Variants in HSPA9 observed in about 807,000 individuals in gnomAD.
HSPA9 encodes heat shock protein family A (Hsp70) member 9, also known as stress-70 protein, mitochondrial.
In HSPA9, 28 loss-of-function variants were observed where a neutral mutation model predicts 81.5. The ratio of observed to expected loss-of-function variants is 0.34; its 90% confidence interval spans 0.25 to 0.47. The LOEUF (loss-of-function observed/expected upper bound fraction) is 0.47. Among genes scored for constraint, HSPA9 ranks in the 20% least tolerant of loss-of-function variants. HSPA9 has a pLI of 1.00. For synonymous variants in HSPA9, 293 were observed against 290.4 expected, an observed-to-expected ratio of 1.01 and a Z score of -0.09; for missense variants, 678 against 838.0, an observed-to-expected ratio of 0.81 and a Z score of 2.36.
At chr5:138,574,007 G>A (rs971791777) in intron 2 of HSPA9, 61 bp downstream of exon 2, 2 of 1,395,426 alleles carry the variant, frequency 1.4e-6, no homozygotes, top group Non-Finnish European at 1.0e-6. Flanking sequence ...CACAAATGTA[G>A]AAAACACTGC....
At chr5:138,571,476 G>A (rs960922149) in intron 3 of HSPA9, among the ~76,000 whole-genome samples, 1 of 151,686 alleles carries the variant, frequency 6.6e-6, no homozygotes, top group Non-Finnish European at 1.5e-5. Flanking sequence ...GAGCCAATAC[G>A]CCCAGCCTAT....
At chr5:138,561,115 C>A (rs755747388) in intron 10 of HSPA9, 1 of 484,052 alleles carries the variant, frequency 2.1e-6, no homozygotes, top group Non-Finnish European at 4.2e-6. Context: ...TTGCACAAAT[C>A]TTTGTCAAAG....
At position 138,568,896 on chromosome 5, in the gene HSPA9, T is replaced by C. The variant is rs541326637; in HGVS notation, c.535+29A>G. 80 of 1,611,702 alleles carry C rather than the reference T, an allele frequency of 5.0e-5. 2 individuals are homozygous for C. In the African/African-American group the frequency reaches 5.5e-4, roughly 11 times the overall value. On this transcript the variant is annotated intron_variant, in intron 5 of 16. Transcript: ENST00000297185. Reference sequence around the variant, plus strand: ...TCACAGGAATCATTGTTCTTAGAACTTTCCCAGATGTGAACTAAACCCACT... The same window carrying C: ...TCACAGGAATCATTGTTCTTAGAACCTTCCCAGATGTGAACTAAACCCACT...
In HSPA9 at chr5:138,554,675, C is replaced by CCATCTTGATAA. The variant is rs1750482522; in HGVS notation, c.*1351_*1361dup. Reference sequence around the variant, plus strand: ...AGCCATTGTGTCTGATATTCTAAGCCCATCTTGATAACAGACTCTTTTGAA... The same window carrying CCATCTTGATAA: ...AGCCATTGTGTCTGATATTCTAAGCCCATCTTGATAACATCTTGATAACAGACTCTTTTGAA... On this transcript the variant is annotated 3_prime_UTR_variant, in exon 17 of 17. Transcript: ENST00000297185. Among the ~76,000 whole-genome samples the CCATCTTGATAA allele has an allele frequency of 6.6e-6, 1 of 152,168 alleles. No individual in the cohort carries two copies. Among genetic ancestry groups the CCATCTTGATAA allele is most frequent in the Non-Finnish European group, 1.5e-5 (1 of 68,026 alleles).
Position 138,556,470 on chromosome 5 carries a change from G to C in HSPA9, c.1944C>G (p.Phe648Leu), listed in dbSNP as rs148730345. ...SSLQQASLKL[F>L]EMAYKKMASE... is the part of the protein sequence containing the mutation. The stretch of plus-strand genomic sequence containing the variant: ...CTTGTACCTTTTTGTATGCCATTTC[G>C]AACAGCTTCAGTGATGCCTGCTGAA... The change falls in exon 16 of 17, where the codon TTC becomes TTG. Residue 648 changes from phenylalanine to leucine, a missense_variant. Physicochemically the swap from Phe to Leu is conservative, Grantham distance 22. Transcript: ENST00000297185. The C allele has an allele frequency of 1.9e-6, 3 of 1,613,714 alleles. No homozygotes were observed. The highest frequency in any genetic ancestry group is 2.2e-5 in the East Asian group (1 of 44,890).
At chr5:138,563,378 C>A (rs1750697316) in intron 9 of HSPA9, among the ~76,000 whole-genome samples, 1 of 152,156 alleles carries the variant, frequency 6.6e-6, no homozygotes, top group Non-Finnish European at 1.5e-5. Flanking sequence ...CTAATGGCAA[C>A]CTGAAAATCT....
chr5:138,571,583 C>T (rs781329924), intron 3 of HSPA9, among the ~76,000 whole-genome samples: 44 of 152,112 alleles, frequency 2.9e-4, no homozygotes, highest in Admixed American at 1.2e-3. Context: ...TGCTTTACTG[C>T]TGATAGTTAA....
rs1367486546 is a variant in HSPA9 at position 138,556,810 on chromosome 5, C to T, written c.1785G>A (p.Lys595=). 1.9e-6 allele frequency: 3 copies of T among 1,613,850 alleles called. No individual in the cohort carries two copies. The highest frequency in any genetic ancestry group is 2.5e-6 in the Non-Finnish European group (3 of 1,179,856). Residue 595 remains lysine (K), a synonymous_variant, in exon 15 of 17, where the codon AAG becomes AAA. Coordinates refer to ENST00000297185, the MANE Select transcript of HSPA9 (RefSeq NM_004134.7). ...AEGIIHDTET[K]MEEFKDQLPA... ...GTAATTGGTCCTTGAATTCTTCCATCTTGGTTTCTGTGTCGTGAATGATTC... is the reference window on the plus strand; with the variant it reads ...GTAATTGGTCCTTGAATTCTTCCATTTTGGTTTCTGTGTCGTGAATGATTC...
At chr5:138,567,953 G>A (rs1750800264) in intron 5 of HSPA9, among the ~76,000 whole-genome samples, 1 of 152,090 alleles carries the variant, frequency 6.6e-6, no homozygotes, top group Non-Finnish European at 1.5e-5. Context: ...GGGAGGCTGA[G>A]GCGGGCAGAT....
chr5:138,572,457 G>A (rs1464364251), intron 3 of HSPA9, among the ~76,000 whole-genome samples: 1 of 152,114 alleles, frequency 6.6e-6, no homozygotes, highest in South Asian at 2.1e-4. Flanking sequence ...AACAAAGTTG[G>A]GTGTGCAGAG....
chr5:138,566,504 T>C (rs1750765566), intron 9 of HSPA9, 122 bp downstream of exon 9: 1 of 782,680 alleles, frequency 1.3e-6, no homozygotes, highest in African/African-American at 1.7e-5. Flanking sequence ...ACCAGAAAAC[T>C]GAAAAAACAA....
intron 4 of HSPA9, 34 bp downstream of exon 4, chr5:138,570,926 C>T (rs1420408631): frequency 1.6e-5 from 26 of 1,604,900 alleles, no homozygotes; most frequent in East Asian, 2.2e-5. Context: ...TTGCAAATAA[C>T]TGCTTTTTGC....
At chr5:138,567,926 C>G (rs898155703) in intron 5 of HSPA9, among the ~76,000 whole-genome samples, 1 of 149,806 alleles carries the variant, frequency 6.7e-6, no homozygotes, top group African/African-American at 2.5e-5. Context: ...GGCTCACACT[C>G]GTAATCCCAG....
chr5:138,571,423 G>A (rs1280816062), intron 3 of HSPA9, among the ~76,000 whole-genome samples: 3 of 152,026 alleles, frequency 2.0e-5, no homozygotes, highest in East Asian at 3.9e-4. Context: ...GACCTCAGGT[G>A]ATCTGCCCGC....
chr5:138,565,619 C>A (rs1381173761), intron 9 of HSPA9, among the ~76,000 whole-genome samples: 3 of 152,194 alleles, frequency 2.0e-5, no homozygotes, highest in East Asian at 3.8e-4. Context: ...CCTCTCAGAA[C>A]TGGAGCTAAC....
At chr5:138,572,699 A>G (rs996477294) in intron 3 of HSPA9, among the ~76,000 whole-genome samples, 3 of 151,886 alleles carry the variant, frequency 2.0e-5, no homozygotes, top group African/African-American at 7.3e-5. Flanking sequence ...TGAACTGTCT[A>G]TGGTCTTCTT....
In HSPA9 at chr5:138,556,071, T is replaced by G; in HGVS notation, c.2006A>C (p.Glu669Ala). 6.2e-7 allele frequency: 1 copy of G among 1,613,658 alleles called. No individual in the cohort carries two copies. The highest frequency in any genetic ancestry group is 1.7e-5 in the Admixed American group (1 of 60,014). Residue 669 changes from glutamate to alanine, a missense_variant, in exon 17 of 17, where the codon GAA becomes GCA. Physicochemically the swap from Glu to Ala is moderately radical, Grantham distance 107. Coordinates refer to ENST00000297185, the MANE Select transcript of HSPA9 (RefSeq NM_004134.7). ...REGSGSSGTG[E>A]QKEDQKEEKQ Reference sequence around the variant, plus strand: ...TTCCTCCTTTTGATCTTCCTTTTGTTCCCCAGTGCCAGAACTTCCAGAGCC... The same window carrying G: ...TTCCTCCTTTTGATCTTCCTTTTGTGCCCCAGTGCCAGAACTTCCAGAGCC...
chr5:138,556,218 C>G, intron 16 of HSPA9, 104 bp from the exon 17 acceptor site: 1 of 1,069,748 alleles, frequency 9.3e-7, no homozygotes, highest in Non-Finnish European at 1.4e-6. Context: ...CCTCATCATT[C>G]ATTTCTATTC....
intron 10 of HSPA9, 41 bp downstream of exon 10, chr5:138,561,539 C>T: frequency 6.5e-7 from 1 of 1,539,942 alleles, no homozygotes; most frequent in Non-Finnish European, 9.0e-7. Context: ...ACACTATGCG[C>T]CAGCCCTCTC....
Sources: gnomAD v4.1 joint callset for allele counts (sites outside exome capture counted in the v4.1 genomes callset) on GRCh38, gnomAD v4.1.1 for gene constraint, MANE v1.5 for transcripts, NCBI Gene and HGNC (gene_info 2026-07-23, HGNC 2026-07-21) for gene names.